The following MAST2 variants were observed in gnomAD, a reference collection of about 807,000 sequenced individuals.
The protein encoded by MAST2 is microtubule-associated serine/threonine-protein kinase 2.
In MAST2, 70 loss-of-function variants were observed where a neutral mutation model predicts 147.4. The ratio of observed to expected loss-of-function variants is 0.47; its 90% CI spans 0.39 to 0.58. MAST2 has a LOEUF of 0.58. Among genes scored for constraint, MAST2 ranks in the 20% least tolerant of loss-of-function variants. The pLI is 0.00. For synonymous variants in MAST2, 869 were observed against 896.8 expected, an observed-to-expected ratio of 0.97 and a Z score of 0.55; for missense variants, 2,080 against 2,302.3, an observed-to-expected ratio of 0.90 and a Z score of 1.98.
chr1:46,029,999 G>T (rs1447366046), intron 20 of MAST2, 46 bp downstream of exon 20: 1 of 1,611,654 alleles, frequency 6.2e-7, no homozygotes, highest in East Asian at 2.2e-5. Flanking sequence ...CTACCTGTTT[G>T]CCTAGAAACA....
At chr1:46,030,941 C>A (rs1286674359) in intron 22 of MAST2, 66 bp from the exon 23 acceptor site, 1 of 1,565,222 alleles carries the variant, frequency 6.4e-7, no homozygotes, top group African/African-American at 1.4e-5. Context: ...TTGTGTGCCC[C>A]TAAGGAGACC....
chr1:45,950,862 G>T (rs936894141), intron 4 of MAST2, among the ~76,000 whole-genome samples: 1 of 152,108 alleles, frequency 6.6e-6, no homozygotes, highest in Non-Finnish European at 1.5e-5. Flanking sequence ...CGAGTGGACT[G>T]CTTGAGCCCA....
At chr1:45,816,741 C>A (rs1194724596) in intron 1 of MAST2, among the ~76,000 whole-genome samples, 1 of 152,030 alleles carries the variant, frequency 6.6e-6, no homozygotes, top group African/African-American at 2.4e-5. Context: ...AGTGCAGTGG[C>A]GTAATGGCTC....
chr1:45,944,985 G>A (rs10890378), intron 4 of MAST2, among the ~76,000 whole-genome samples: 51,608 of 152,100 alleles, frequency 0.34, 9,144 homozygotes, highest in African/African-American at 0.43. Flanking sequence ...CTTGCAATTA[G>A]CTGTCATTAA....
At chr1:45,862,533 ACGATCTCAGCTCTGCAACCTCTGCCT>A in intron 3 of MAST2, among the ~76,000 whole-genome samples, 1 of 144,990 alleles carries the variant, frequency 6.9e-6, no homozygotes, top group Non-Finnish European at 1.5e-5. Context: ...GTGCAGTGGC[ACGATCTCAGCTCTGCAACCTCTGCCT>A]CTTGGGTTTG....
intron 3 of MAST2, among the ~76,000 whole-genome samples, chr1:45,835,336 C>CA: frequency 6.6e-6 from 1 of 152,004 alleles, no homozygotes; most frequent in Admixed American, 6.6e-5. Context: ...GAGCCATGAT[C>CA]AAGGAGTGAT....
chr1:45,819,421 T>C (rs994478310), intron 1 of MAST2, among the ~76,000 whole-genome samples: 8 of 152,132 alleles, frequency 5.3e-5, no homozygotes. Flanking sequence ...AGTCAAATTA[T>C]CCTTGTTTGC....
At chr1:45,945,410 A>C (rs1325049130) in intron 4 of MAST2, among the ~76,000 whole-genome samples, 1 of 152,212 alleles carries the variant, frequency 6.6e-6, no homozygotes, top group Non-Finnish European at 1.5e-5. Flanking sequence ...ATAAAACAAC[A>C]ACCATAAAAA....
At chr1:45,935,584 G>A (rs890635046) in intron 4 of MAST2, among the ~76,000 whole-genome samples, 3 of 152,164 alleles carry the variant, frequency 2.0e-5, no homozygotes, top group African/African-American at 7.2e-5. Context: ...TGAAAGGAAG[G>A]GGTCTAGTTT....
intron 3 of MAST2, among the ~76,000 whole-genome samples, chr1:45,877,094 T>C (rs182451187): frequency 3.2e-3 from 487 of 152,316 alleles, no homozygotes; most frequent in African/African-American, 0.011. Context: ...GATTGGATCA[T>C]TTATAAAGAA....
intron 5 of MAST2, among the ~76,000 whole-genome samples, chr1:45,987,777 A>ATTTTTTTTTTTTTTG (rs1644695796): frequency 4.6e-5 from 1 of 21,778 alleles, no homozygotes; most frequent in South Asian, 3.2e-3. Context: ...TTTTTTTTTG[A>ATTTTTTTTTTTTTTG]TTTTTTTTTT....
intron 4 of MAST2, among the ~76,000 whole-genome samples, chr1:45,906,162 T>A (rs924229259): frequency 1.3e-5 from 2 of 152,222 alleles, no homozygotes; most frequent in East Asian, 3.8e-4. Flanking sequence ...GTACAAGTTA[T>A]TTATATATTT....
At position 46,029,453 on chromosome 1, in the gene MAST2, CT is replaced by C. The variant is rs142515041; in HGVS notation, c.2219-12del. The C allele has an allele frequency of 2.1e-3, 3,338 of 1,607,368 alleles. 73 individuals are homozygous for C. In the African/African-American group the frequency reaches 0.038, roughly 18 times the overall value. Reference sequence around the variant, plus strand: ...ACAATTTCTCCTTTCCCTCTCACCCCTGATGACTTCAGATGAGATTGTGTGG... The same window carrying C: ...ACAATTTCTCCTTTCCCTCTCACCCCGATGACTTCAGATGAGATTGTGTGG... On this transcript the variant is annotated splice_polypyrimidine_tract_variant and intron_variant, in intron 18 of 28. Transcript: ENST00000361297.
rs371464790 is a variant in MAST2 at position 45,918,769 on chromosome 1, G to C, written c.500+36374G>C. ...TTTGTTTTTATGCTGGGTGAGATAAGTAGCCACTGGAAGGTTTAAATAAGA... is the reference window on the plus strand; with the variant it reads ...TTTGTTTTTATGCTGGGTGAGATAACTAGCCACTGGAAGGTTTAAATAAGA... On this transcript the variant is annotated intron_variant, in intron 4 of 28. Coordinates refer to ENST00000361297, the MANE Select transcript of MAST2 (RefSeq NM_015112.3). Among the ~76,000 whole-genome samples, 69 of 152,246 alleles carry C rather than the reference G, an allele frequency of 4.5e-4. No individual in the cohort carries two copies. In the South Asian group the frequency reaches 1.0e-2, roughly 22 times the overall value.
chr1:45,804,253 G>A (rs907727500), intron 1 of MAST2, among the ~76,000 whole-genome samples, 181 bp downstream of exon 1: 2 of 152,074 alleles, frequency 1.3e-5, no homozygotes, highest in African/African-American at 4.8e-5. Context: ...GGTGGCCTGG[G>A]GTTGTATTGG....
chr1:45,985,492 A>G (rs145146883), intron 5 of MAST2, among the ~76,000 whole-genome samples: 43 of 152,310 alleles, frequency 2.8e-4, no homozygotes, highest in African/African-American at 9.9e-4. Flanking sequence ...TCCTTTTGTA[A>G]TTACTTGCAG....
chr1:45,910,892 T>C (rs1417538114), intron 4 of MAST2, among the ~76,000 whole-genome samples: 1 of 152,166 alleles, frequency 6.6e-6, no homozygotes, highest in Non-Finnish European at 1.5e-5. Context: ...TGGGAAGAAA[T>C]ATGTGGACAA....
intron 4 of MAST2, among the ~76,000 whole-genome samples, chr1:45,898,112 AAAAC>A (rs1454250102): frequency 6.6e-6 from 1 of 152,158 alleles, no homozygotes; most frequent in Non-Finnish European, 1.5e-5. Context: ...CTGTCTCTCA[AAAAC>A]AAACAAACGA....
chr1:45,921,211 G>T (rs999991191), intron 4 of MAST2, among the ~76,000 whole-genome samples: 1 of 152,108 alleles, frequency 6.6e-6, no homozygotes, highest in African/African-American at 2.4e-5. Flanking sequence ...GGTCAGGCTG[G>T]TCTCAAACCC....
Sources: allele counts gnomAD v4.1 joint callset (sites outside exome capture counted in the v4.1 genomes callset), GRCh38; gene constraint gnomAD v4.1.1; transcripts MANE v1.5; gene names NCBI Gene and HGNC (gene_info 2026-07-23, HGNC 2026-07-21).